Variants in TJP1 observed in about 807,000 individuals in gnomAD.
The protein encoded by TJP1 is tight junction protein 1.
In TJP1, 43 loss-of-function variants were observed where a neutral mutation model predicts 194.2. The observed-to-expected ratio is 0.22, with a 90% CI of 0.17 to 0.29. The LOEUF (loss-of-function observed/expected upper bound fraction) is 0.29. Ranked by LOEUF, TJP1 falls within the 10% of genes least tolerant of loss-of-function variation. The pLI, the probability that TJP1 is intolerant of heterozygous loss-of-function variation, is 1.00. For synonymous variants in TJP1, 801 were observed against 779.0 expected (o/e 1.03, Z -0.47); for missense variants, 1,971 against 2,185.7 (o/e 0.90, Z 1.96).
rs771645626 is a variant in TJP1 at position 29,772,156 on chromosome 15, G to C, written c.220C>G (p.Arg74Gly). The part of the protein sequence containing the change: ...PAEGQLQEND[R>G]VAMVNGVSMD... ...GAAACTCCGTTAACCATTGCAACTC[G>C]GTCATTTTCCCTAAGGGGAAAAGGG... The change falls in exon 4 of 28, where the codon CGA becomes GGA. Residue 74 changes from arginine (R) to glycine (G), a missense_variant. This residue lies in a region of TJP1 where 245 missense variants were observed against 336.6 expected (regional missense o/e 0.73). Coordinates refer to ENST00000614355, the MANE Select transcript of TJP1 (RefSeq NM_001330239.4). The C allele has an allele frequency of 2.5e-6, 4 of 1,597,438 alleles. No individual in the cohort carries two copies. Among genetic ancestry groups the C allele is most frequent in the Non-Finnish European group, 3.4e-6 (4 of 1,174,238 alleles).
chr15:29,787,113 T>C (rs889638542), intron 2 of TJP1, among the ~76,000 whole-genome samples: 8 of 152,212 alleles, frequency 5.3e-5, no homozygotes, highest in Non-Finnish European at 1.0e-4. Flanking sequence ...AAATTCCTTT[T>C]ATCACTTTAC....
Position 29,719,263 on chromosome 15 carries a change from T to G in TJP1, c.3004-125A>C. On this transcript the variant is annotated intron_variant, in intron 20 of 27. Transcript: ENST00000614355. ...AAATGGTATGTTTTACCATTTATTA[T>G]CAGGATAGACAAGATTAGTGGAAAA... The G allele has an allele frequency of 2.5e-6, 3 of 1,185,046 alleles. No homozygotes were observed. The South Asian group carries it at 5.0e-5, about 20-fold the overall frequency. The allele number at this position is 1,185,046 out of a possible 1,614,324, so 73.4% of individuals were successfully genotyped here.
intron 2 of TJP1, among the ~76,000 whole-genome samples, chr15:29,780,125 A>C (rs959648337): frequency 6.6e-6 from 1 of 152,110 alleles, no homozygotes; most frequent in Admixed American, 6.6e-5. Flanking sequence ...TTTTCCACAG[A>C]CCGGCAGGTG....
intron 8 of TJP1, among the ~76,000 whole-genome samples, chr15:29,752,480 T>A (rs1043923751): frequency 1.3e-5 from 2 of 152,170 alleles, no homozygotes; most frequent in African/African-American, 4.8e-5. Context: ...GATCTCCTCT[T>A]AAGGGTTAAA....
intron 2 of TJP1, among the ~76,000 whole-genome samples, chr15:29,798,066 TG>T (rs1567048598): frequency 6.6e-6 from 1 of 152,136 alleles, no homozygotes; most frequent in Non-Finnish European, 1.5e-5. Context: ...CTCCATCTAC[TG>T]GGTTCAAGTG....
At chr15:29,750,518 C>A (rs1428492760) in intron 8 of TJP1, among the ~76,000 whole-genome samples, 2 of 152,126 alleles carry the variant, frequency 1.3e-5, no homozygotes, top group African/African-American at 2.4e-5. Context: ...TGTTTAATTT[C>A]TTTACATTCA....
At chr15:29,752,775 T>C (rs1238860712) in intron 8 of TJP1, among the ~76,000 whole-genome samples, 2 of 152,298 alleles carry the variant, frequency 1.3e-5, no homozygotes, top group African/African-American at 2.4e-5. Flanking sequence ...ATAAACAACA[T>C]TAAAAAAACT....
intron 2 of TJP1, among the ~76,000 whole-genome samples, chr15:29,828,387 CACA>C (rs1392927166): frequency 1.3e-5 from 2 of 151,662 alleles, no homozygotes; most frequent in South Asian, 2.1e-4. Flanking sequence ...ATTATAATGT[CACA>C]ACAACAACAA....
intron 1 of TJP1, among the ~76,000 whole-genome samples, chr15:29,804,550 G>A (rs947308496): frequency 3.3e-5 from 5 of 152,142 alleles, no homozygotes; most frequent in African/African-American, 1.2e-4. Flanking sequence ...CCTAAGAAAC[G>A]CATGGCTTCT....
At chr15:29,714,246 C>CTT (rs546399070) in intron 23 of TJP1, among the ~76,000 whole-genome samples, 1 of 147,448 alleles carries the variant, frequency 6.8e-6, no homozygotes, top group Non-Finnish European at 1.5e-5. Context: ...AAATATACTC[C>CTT]TTTTTTTTTT....
At chr15:29,744,641 A>C (rs1257290993) in intron 8 of TJP1, among the ~76,000 whole-genome samples, 1 of 152,184 alleles carries the variant, frequency 6.6e-6, no homozygotes, top group Admixed American at 6.5e-5. Context: ...AAAACAAAAT[A>C]ATTTGTTTAA....
intron 2 of TJP1, among the ~76,000 whole-genome samples, chr15:29,781,109 A>C (rs2047343429): frequency 6.6e-6 from 1 of 152,154 alleles, no homozygotes; most frequent in Non-Finnish European, 1.5e-5. Flanking sequence ...AAGAAGAGAG[A>C]AGATCCAAAT....
chr15:29,872,147 C>T (rs954680620), intron 2 of TJP1, among the ~76,000 whole-genome samples: 1 of 152,152 alleles, frequency 6.6e-6, no homozygotes, highest in Non-Finnish European at 1.5e-5. Context: ...CTCCTTGATA[C>T]CATTTCATTA....
chr15:29,791,677 GC>G (rs1203053000), intron 2 of TJP1, among the ~76,000 whole-genome samples: 2 of 152,056 alleles, frequency 1.3e-5, no homozygotes, highest in East Asian at 3.9e-4. Context: ...ACAGGCGTGA[GC>G]CACCATGCCC....
chr15:29,746,504 T>C (rs1007706937), intron 8 of TJP1, among the ~76,000 whole-genome samples: 7 of 152,080 alleles, frequency 4.6e-5, no homozygotes, highest in African/African-American at 1.4e-4. Context: ...TAAACAGACA[T>C]GTTTGCACAT....
chr15:29,846,921 G>A (rs753475140), intron 2 of TJP1, among the ~76,000 whole-genome samples: 18 of 149,714 alleles, frequency 1.2e-4, no homozygotes, highest in Non-Finnish European at 2.4e-4. Context: ...GCGGGACTCC[G>A]TCTCAAAGAA....
chr15:29,932,642 C>T (rs544837980), intron 2 of TJP1, among the ~76,000 whole-genome samples: 7 of 151,878 alleles, frequency 4.6e-5, no homozygotes, highest in Non-Finnish European at 1.0e-4. Flanking sequence ...AAATTATGAG[C>T]GAGAAGCAGA....
At chr15:29,699,979 G>T, downstream of TJP1, 1 of 273,442 alleles carries the variant, frequency 3.7e-6, no homozygotes, top group Non-Finnish European at 6.8e-6. Flanking sequence ...CTTCAGATGA[G>T]CACTGCCCAC....
chr15:29,764,542 A>G (rs2046211656), intron 5 of TJP1, among the ~76,000 whole-genome samples: 1 of 152,166 alleles, frequency 6.6e-6, no homozygotes, highest in Non-Finnish European at 1.5e-5. Flanking sequence ...TCTATGTAAG[A>G]GATGACAGTG....
Sources: allele counts gnomAD v4.1 joint callset (sites outside exome capture counted in the v4.1 genomes callset), GRCh38; gene constraint gnomAD v4.1.1; regional missense constraint gnomAD v4.1.1; transcripts MANE v1.5; gene names NCBI Gene and HGNC (gene_info 2026-07-23, HGNC 2026-07-21).